CNOT4: variants seen among roughly 807,000 people sequenced by gnomAD.
CNOT4 encodes the protein CCR4-NOT transcription complex subunit 4.
In CNOT4, 8 loss-of-function variants were observed where a neutral mutation model predicts 73.8. That is an observed-to-expected ratio of 0.11 (90% CI 0.06 to 0.20). The LOEUF (loss-of-function observed/expected upper bound fraction) is 0.20, where lower values mean the gene tolerates loss of function less well. Among genes scored for constraint, CNOT4 ranks in the 10% least tolerant of loss-of-function variants. CNOT4 has a pLI of 1.00. For synonymous variants in CNOT4, 293 were observed against 321.1 expected (o/e 0.91, Z 0.94); for missense variants, 564 against 883.4 (o/e 0.64, Z 4.58).
At chr7:135,396,984 A>C (rs1045936280) in intron 8 of CNOT4, among the ~76,000 whole-genome samples, 2 of 152,126 alleles carry the variant, frequency 1.3e-5, no homozygotes. Context: ...TTTTAAAATT[A>C]AAATCTACAT....
intron 1 of CNOT4, among the ~76,000 whole-genome samples, chr7:135,452,132 C>T (rs7792458): frequency 0.087 from 13,214 of 151,848 alleles, 692 homozygotes; most frequent in East Asian, 0.17. Flanking sequence ...CCAGCTACTG[C>T]GGAGGCTGAG....
intron 2 of CNOT4, among the ~76,000 whole-genome samples, chr7:135,423,811 T>C (rs1247227564): frequency 6.6e-6 from 1 of 152,146 alleles, no homozygotes; most frequent in African/African-American, 2.4e-5. Context: ...GTGGATCCTA[T>C]TTGGCATACT....
intron 1 of CNOT4, among the ~76,000 whole-genome samples, chr7:135,475,960 T>C (rs1801965032): frequency 1.3e-5 from 2 of 152,044 alleles, no homozygotes; most frequent in African/African-American, 4.8e-5. Context: ...CTAAAAAAGT[T>C]TAAAGTTGCT....
rs1383012034 is a variant in CNOT4 at position 135,362,177 on chromosome 7, ATTTAC to A, written c.*703_*707del. The A allele has an allele frequency of 6.6e-6, 1 of 152,638 alleles. No individual in the cohort carries two copies. Among genetic ancestry groups the A allele is most frequent in the African/African-American group, 2.4e-5 (1 of 41,458 alleles). The allele number at this position is 152,638 out of a possible 1,614,324, so 9.5% of individuals were successfully genotyped here. On this transcript the variant is annotated 3_prime_UTR_variant, in exon 12 of 12. Transcript: ENST00000541284. ...ATACTTTTTTCTTTAAAACATTTCAATTTACTTTAAATCTAAAGCCAAAAAATTTT... is the reference window on the plus strand; with the variant it reads ...ATACTTTTTTCTTTAAAACATTTCAATTTAAATCTAAAGCCAAAAAATTTT...
At chr7:135,472,169 T>C (rs923608637) in intron 1 of CNOT4, among the ~76,000 whole-genome samples, 5 of 140,956 alleles carry the variant, frequency 3.5e-5, no homozygotes, top group Non-Finnish European at 7.6e-5. Context: ...TAAGACCCTA[T>C]CTCAAAAATA....
chr7:135,382,847 G>C (rs1336885440), intron 10 of CNOT4, among the ~76,000 whole-genome samples: 2 of 152,002 alleles, frequency 1.3e-5, no homozygotes, highest in Admixed American at 6.6e-5. Flanking sequence ...CTTATATCGA[G>C]GACTTGAGAA....
At chr7:135,455,872 A>C (rs2129486087) in intron 1 of CNOT4, among the ~76,000 whole-genome samples, 1 of 152,244 alleles carries the variant, frequency 6.6e-6, no homozygotes, top group Non-Finnish European at 1.5e-5. Context: ...TCTCAAAAAA[A>C]CAAACAAACA....
chr7:135,422,969 C>T (rs1259872883), intron 2 of CNOT4, among the ~76,000 whole-genome samples: 2 of 152,114 alleles, frequency 1.3e-5, no homozygotes, highest in African/African-American at 4.8e-5. Context: ...GCTGGCACTG[C>T]ATCCTAGCTC....
At chr7:135,489,412 T>G (rs921066045) in intron 1 of CNOT4, among the ~76,000 whole-genome samples, 1 of 147,424 alleles carries the variant, frequency 6.8e-6, no homozygotes, top group Admixed American at 6.7e-5. Flanking sequence ...TTTTTTTTTT[T>G]TTTGAGACAG....
intron 2 of CNOT4, among the ~76,000 whole-genome samples, chr7:135,423,484 A>C (rs989138772): frequency 5.3e-5 from 8 of 152,024 alleles, no homozygotes; most frequent in African/African-American, 1.9e-4. Context: ...AAAAAAAAAA[A>C]ACCTCTCAAA....
chr7:135,370,133 G>A (rs1358091145), intron 10 of CNOT4, among the ~76,000 whole-genome samples: 2 of 152,082 alleles, frequency 1.3e-5, no homozygotes, highest in Non-Finnish European at 2.9e-5. Flanking sequence ...TTATTATAAT[G>A]CAAGACACAC....
chr7:135,395,390 C>T (rs1796622315), intron 9 of CNOT4, among the ~76,000 whole-genome samples: 2 of 152,034 alleles, frequency 1.3e-5, no homozygotes, highest in Admixed American at 6.6e-5. Flanking sequence ...ATGGAATAAG[C>T]TTTTTACTAT....
At chr7:135,447,957 T>A (rs1314988308) in intron 1 of CNOT4, among the ~76,000 whole-genome samples, 1 of 151,892 alleles carries the variant, frequency 6.6e-6, no homozygotes, top group Non-Finnish European at 1.5e-5. Context: ...AAGCTGGGTG[T>A]GGTCAGAAAA....
At chr7:135,434,832 T>G (rs1799056808) in intron 2 of CNOT4, among the ~76,000 whole-genome samples, 1 of 152,202 alleles carries the variant, frequency 6.6e-6, no homozygotes, top group African/African-American at 2.4e-5. Context: ...TGGTGCAGTC[T>G]TCCCCATTTC....
At chr7:135,505,765 A>G (rs905046118) in intron 1 of CNOT4, among the ~76,000 whole-genome samples, 18 of 152,194 alleles carry the variant, frequency 1.2e-4, no homozygotes, top group Non-Finnish European at 2.1e-4. Context: ...TAAGGAGACA[A>G]AATAGTGGTG....
chr7:135,421,063 C>T (rs979626954), intron 3 of CNOT4, among the ~76,000 whole-genome samples: 1 of 152,204 alleles, frequency 6.6e-6, no homozygotes. Context: ...TCATCCATGA[C>T]AGATCCTTCT....
At chr7:135,470,494 G>A (rs973855296) in intron 1 of CNOT4, among the ~76,000 whole-genome samples, 2 of 151,794 alleles carry the variant, frequency 1.3e-5, no homozygotes, top group East Asian at 3.9e-4. Flanking sequence ...CACCTGGCCA[G>A]GCACAGTGAG....
intron 1 of CNOT4, among the ~76,000 whole-genome samples, chr7:135,459,629 C>T (rs1800751592): frequency 6.6e-6 from 1 of 152,174 alleles, no homozygotes; most frequent in Non-Finnish European, 1.5e-5. Flanking sequence ...TAAAGTCCCT[C>T]ATATAAAATG....
Position 135,436,242 on chromosome 7 carries a change from A to C in CNOT4, c.174+1916T>G, listed in dbSNP as rs188042713. Reference sequence around the variant, plus strand: ...TAAGGACTTGAAGTAATTTTAGGTAATCTCTTAAGATTGAAATGACTTTCT... The same window carrying C: ...TAAGGACTTGAAGTAATTTTAGGTACTCTCTTAAGATTGAAATGACTTTCT... On this transcript the variant is annotated intron_variant, in intron 2 of 11. Transcript: ENST00000541284. Among the ~76,000 whole-genome samples, 9 of 151,800 alleles carry C rather than the reference A, an allele frequency of 5.9e-5. No individual in the cohort carries two copies. In the East Asian group the frequency reaches 1.7e-3, roughly 29 times the overall value.
Sources: gnomAD v4.1 joint callset for allele counts (sites outside exome capture counted in the v4.1 genomes callset) on GRCh38, gnomAD v4.1.1 for gene constraint, MANE v1.5 for transcripts, NCBI Gene and HGNC (gene_info 2026-07-23, HGNC 2026-07-21) for gene names.